The following KDM6A variants were observed in gnomAD, a reference collection of about 807,000 sequenced individuals.
KDM6A encodes lysine demethylase 6A, also known as lysine-specific demethylase 6A.
A neutral mutation model predicts 117.6 loss-of-function variants in KDM6A; 11 were observed. That is an observed-to-expected ratio of 0.09 (90% CI 0.06 to 0.15). KDM6A has a LOEUF of 0.15. KDM6A is among the 10% of genes least tolerant of loss of function. KDM6A has a pLI of 1.00. For synonymous variants in KDM6A, 384 were observed against 396.1 expected (o/e 0.97, Z 0.36); for missense variants, 799 against 1,077.3 (o/e 0.74, Z 3.62).
chrX:44,899,092 G>T (rs1307134816), intron 2 of KDM6A, among the ~76,000 whole-genome samples: 3 of 96,500 alleles, frequency 3.1e-5, no homozygotes, highest in Non-Finnish European at 4.1e-5. Context: ...TGCCAGAAAG[G>T]TTTCTTTGGT....
intron 10 of KDM6A, 77 bp from the exon 11 acceptor site, chrX:45,058,929 A>C (rs1189249023): frequency 1.1e-6 from 1 of 937,825 alleles, no homozygotes; most frequent in Admixed American, 2.3e-5. Flanking sequence ...TATATAGTCC[A>C]TCCTTTCAGC....
intron 4 of KDM6A, among the ~76,000 whole-genome samples, chrX:44,992,841 C>T (rs1242471451): frequency 9.0e-6 from 1 of 111,204 alleles, no homozygotes; most frequent in South Asian, 3.8e-4. Flanking sequence ...CCACCATGCC[C>T]GGCCTACCCT....
chrX:45,081,339 G>C (rs941981738), intron 21 of KDM6A, among the ~76,000 whole-genome samples: 4 of 112,248 alleles, frequency 3.6e-5, no homozygotes, highest in Non-Finnish European at 3.8e-5. Flanking sequence ...AAGGTCAGAA[G>C]TATTGCTAAC....
At chrX:45,029,584 C>T (rs1440504052) in intron 6 of KDM6A, among the ~76,000 whole-genome samples, 2 of 105,814 alleles carry the variant, frequency 1.9e-5, no homozygotes, top group Non-Finnish European at 3.8e-5. Flanking sequence ...TGCACTCCAG[C>T]CTGGGTGACA....
At chrX:44,910,823 C>T (rs2035057963) in intron 2 of KDM6A, among the ~76,000 whole-genome samples, 1 of 111,523 alleles carries the variant, frequency 9.0e-6, no homozygotes, top group African/African-American at 3.3e-5. Flanking sequence ...GGGGTAAGGT[C>T]ATAGATCAAC....
intron 4 of KDM6A, among the ~76,000 whole-genome samples, chrX:44,990,622 A>T (rs2040531195): frequency 9.0e-6 from 1 of 111,424 alleles, no homozygotes; most frequent in Admixed American, 9.6e-5. Flanking sequence ...AAGTTTTGTA[A>T]CTTCCTCACA....
intron 4 of KDM6A, among the ~76,000 whole-genome samples, chrX:44,994,021 T>G (rs929860176): frequency 1.8e-5 from 2 of 112,229 alleles, no homozygotes; most frequent in Non-Finnish European, 3.8e-5. Context: ...TTCCATTTTA[T>G]TTTTTGACTC....
At chrX:44,954,280 C>A (rs190554275) in intron 2 of KDM6A, among the ~76,000 whole-genome samples, 1 of 111,231 alleles carries the variant, frequency 9.0e-6, no homozygotes, top group Admixed American at 9.6e-5. Context: ...ATTTACGACA[C>A]ATCTTTCTGG....
chrX:44,987,149 G>A (rs375326745), intron 4 of KDM6A, among the ~76,000 whole-genome samples: 1 of 111,473 alleles, frequency 9.0e-6, no homozygotes, highest in East Asian at 2.8e-4. Context: ...TGAATTGATC[G>A]CTTTACCATT....
intron 18 of KDM6A, among the ~76,000 whole-genome samples, chrX:45,070,588 G>T (rs2044775101): frequency 9.0e-6 from 1 of 111,220 alleles, no homozygotes; most frequent in African/African-American, 3.3e-5. Flanking sequence ...TGCTGTTACT[G>T]CCCTCTACTG....
intron 4 of KDM6A, among the ~76,000 whole-genome samples, chrX:45,000,223 G>T (rs1434307762): frequency 8.9e-6 from 1 of 112,227 alleles, no homozygotes. Flanking sequence ...GTTGGTTGTA[G>T]TAGATGTGGT....
intron 4 of KDM6A, among the ~76,000 whole-genome samples, chrX:45,010,515 A>G (rs551862781): frequency 2.7e-5 from 3 of 111,125 alleles, no homozygotes; most frequent in South Asian, 3.8e-4. Flanking sequence ...GCATGATGCT[A>G]TTTTTCTTAA....
chrX:45,104,173 T>C (rs980107700), intron 27 of KDM6A, among the ~76,000 whole-genome samples: 2 of 111,412 alleles, frequency 1.8e-5, no homozygotes, highest in Non-Finnish European at 3.8e-5. Flanking sequence ...TACAGGCATA[T>C]GCCACCACAC....
intron 2 of KDM6A, among the ~76,000 whole-genome samples, chrX:44,882,601 A>T (rs2032417604): frequency 8.9e-6 from 1 of 112,366 alleles, no homozygotes; most frequent in Admixed American, 9.5e-5. Context: ...CACAAGAGGT[A>T]ATTTTTCCTG....
chrX:44,987,021 T>A (rs1056443703), intron 4 of KDM6A, among the ~76,000 whole-genome samples: 6 of 111,424 alleles, frequency 5.4e-5, no homozygotes, highest in African/African-American at 2.0e-4. Flanking sequence ...TGTTAAAGTC[T>A]CCCATTATCA....
intron 2 of KDM6A, among the ~76,000 whole-genome samples, chrX:44,936,577 A>C (rs1366162651): frequency 8.9e-6 from 1 of 111,745 alleles, no homozygotes; most frequent in South Asian, 3.7e-4. Flanking sequence ...CACCATAATC[A>C]TTGTTACTAC....
chrX:45,092,676 C>G (rs1164419759), intron 27 of KDM6A, among the ~76,000 whole-genome samples: 2 of 111,062 alleles, frequency 1.8e-5, no homozygotes, highest in Non-Finnish European at 3.8e-5. Context: ...AGACAGAAAC[C>G]CCCAGTATAA....
chrX:45,081,840 G>A (rs758397020), intron 21 of KDM6A, among the ~76,000 whole-genome samples: 8 of 109,478 alleles, frequency 7.3e-5, no homozygotes, highest in East Asian at 5.9e-4. Flanking sequence ...GTGCAGTGGC[G>A]TGATCTCAGC....
chrX:44,875,870 A>G (rs183418250), intron 2 of KDM6A, among the ~76,000 whole-genome samples: 198 of 112,157 alleles, frequency 1.8e-3, no homozygotes, highest in African/African-American at 6.1e-3. Flanking sequence ...GCTCATATTC[A>G]TATAGATTCA....
Sources: allele counts gnomAD v4.1 joint callset (sites outside exome capture counted in the v4.1 genomes callset), GRCh38; gene constraint gnomAD v4.1.1; transcripts MANE v1.5; gene names NCBI Gene and HGNC (gene_info 2026-07-23, HGNC 2026-07-21).